Variants in APC2 observed in about 807,000 individuals in gnomAD.
APC2 encodes the protein APC regulator of Wnt signaling pathway 2.
Under a neutral mutation model 72.5 loss-of-function variants are expected in APC2, and 41 were observed. That is an observed-to-expected ratio of 0.57 (90% CI 0.44 to 0.73). The LOEUF is 0.73. APC2 is among the 30% of genes least tolerant of loss of function. The pLI is 0.00. For missense variants in APC2, 3,729 were observed against 3,403.4 expected (o/e 1.10, Z -2.38); for synonymous variants, 1,898 against 1,612.0 (o/e 1.18, Z -4.25).
In APC2 at chr19:1,466,230, G is replaced by A. The variant is rs781574321; in HGVS notation, c.2929G>A (p.Glu977Lys). The A allele has an allele frequency of 2.9e-5, 44 of 1,540,434 alleles. 1 individual carries two copies. In the African/African-American group the frequency reaches 4.8e-4, roughly 17 times the overall value. The change falls in exon 15 of 15, where the codon GAG becomes AAG. Residue 977 changes from glutamate (E) to lysine (K), a missense_variant. By Grantham distance (56) the Glu-to-Lys change is moderately conservative. Transcript: ENST00000590469. Reference protein sequence around the residue: ...LDLDLPGCQAEPPAREATSAD... With the variant: ...LDLDLPGCQAKPPAREATSAD... Reference sequence around the variant, plus strand: ...CCTTGACCTGCCCGGCTGCCAGGCCGAGCCCCCGGCCCGCGAGGCCACCTC... The same window carrying A: ...CCTTGACCTGCCCGGCTGCCAGGCCAAGCCCCCGGCCCGCGAGGCCACCTC...
rs142142534 is a variant in APC2 at position 1,462,115 on chromosome 19, C to G, written c.1791C>G (p.Ile597Met). 9.9e-6 allele frequency: 16 copies of G among 1,612,644 alleles called. No homozygotes were observed. The highest frequency in any genetic ancestry group is 1.4e-5 in the Non-Finnish European group (16 of 1,179,980). The change falls in exon 14 of 15, where the codon ATC (isoleucine) becomes ATG (methionine). Residue 597 changes from isoleucine to methionine, a missense_variant. Coordinates refer to ENST00000590469, the MANE Select transcript of APC2 (RefSeq NM_005883.3). ...GTCAGAGCAACTCGCTGGCCATCAT[C>G]GAGAGCGGCGGCGGCATCCTCCGCA... ...YKCQSNSLAI[I>M]ESGGGILRNV...
intron 14 of APC2, among the ~76,000 whole-genome samples, chr19:1,462,950 G>A (rs549719417): frequency 2.8e-4 from 41 of 146,898 alleles, no homozygotes; most frequent in Middle Eastern, 3.6e-3. Context: ...CAGATTGGGC[G>A]ACAGAGCAAG....
intron 9 of APC2, 146 bp from the exon 10 acceptor site, chr19:1,457,819 G>A (rs1026311673): frequency 1.2e-5 from 8 of 694,242 alleles, no homozygotes; most frequent in African/African-American, 1.1e-4. Context: ...TCTTAGAGAG[G>A]CTGGGAAAGG....
At position 1,457,097 on chromosome 19, in the gene APC2, T is replaced by TCG; in HGVS notation, c.1062_1063dup (p.Val355AlafsTer66). 1 of 1,578,456 alleles carries TCG rather than the reference T, an allele frequency of 6.3e-7. No homozygotes were observed. The highest frequency in any genetic ancestry group is 8.6e-7 in the Non-Finnish European group (1 of 1,166,788). Reference sequence around the variant, plus strand: ...CGCGCCAACGCGGCGCTGCACAACATCGTCTTCTCGCAGCCGGACCAGGGC... The same window carrying TCG: ...CGCGCCAACGCGGCGCTGCACAACATCGCGTCTTCTCGCAGCCGGACCAGGGC... On this transcript the variant is annotated frameshift_variant, in exon 9 of 15. Transcript: ENST00000590469. LOFTEE classifies it high-confidence loss of function.
Position 1,456,970 on chromosome 19 carries a change from G to A in APC2, c.934G>A (p.Gly312Ser). Residue 312 changes from glycine (G) to serine (S), a missense_variant, in exon 9 of 15, where the codon GGC becomes AGC. By Grantham distance (56) the Gly-to-Ser change is moderately conservative (BLOSUM62 0). Transcript: ENST00000590469. ...GAGCTGCGTGGCCATGCGCCGCTCGGGCTGTCTGCCTCTGCTGCTGCAAAT... is the reference window on the plus strand; with the variant it reads ...GAGCTGCGTGGCCATGCGCCGCTCGAGCTGTCTGCCTCTGCTGCTGCAAAT... ...PESCVAMRRS[G>S]CLPLLLQILH... 1.3e-6 allele frequency: 2 copies of A among 1,539,418 alleles called. No homozygotes were observed. The highest frequency in any genetic ancestry group is 1.7e-6 in the Non-Finnish European group (2 of 1,149,090).
upstream of APC2, among the ~76,000 whole-genome samples, chr19:1,447,380 G>A (rs537385527): frequency 8.5e-5 from 13 of 152,336 alleles, no homozygotes; most frequent in South Asian, 1.7e-3. Flanking sequence ...GCCAGGCTGC[G>A]GACTTGCGGG....
At position 1,455,470 on chromosome 19, in the gene APC2, C is replaced by A. The variant is rs2083807899; in HGVS notation, c.609C>A (p.Gly203=). Residue 203 remains glycine, a synonymous_variant, in exon 6 of 15, where the codon GGC becomes GGA. Coordinates refer to ENST00000590469, the MANE Select transcript of APC2 (RefSeq NM_005883.3). The part of the protein sequence containing the change: ...HIRSLMEERF[G]TSDEMVQRAQ... ...GCTCGCTGATGGAGGAGCGCTTCGGCACCTCGGACGAGATGGTGCAGCGGG... is the reference window on the plus strand; with the variant it reads ...GCTCGCTGATGGAGGAGCGCTTCGGAACCTCGGACGAGATGGTGCAGCGGG... 1.9e-6 allele frequency: 3 copies of A among 1,603,882 alleles called. No individual in the cohort carries two copies. In the African/African-American group the frequency reaches 4.0e-5, roughly 21 times the overall value.
intron 10 of APC2, among the ~76,000 whole-genome samples, chr19:1,459,550 C>T (rs2083891769): frequency 6.6e-6 from 1 of 152,194 alleles, no homozygotes; most frequent in South Asian, 2.1e-4. Context: ...GAGATATGTC[C>T]CTAACTCACT....
In APC2 at chr19:1,467,786, G is replaced by T. The variant is rs779526895; in HGVS notation, c.4485G>T (p.Ser1495=). The T allele has an allele frequency of 2.1e-6, 3 of 1,442,496 alleles. No individual in the cohort carries two copies. The highest frequency in any genetic ancestry group is 1.5e-5 in the African/African-American group (1 of 67,786). 89.4% of individuals were successfully genotyped at this position (1,442,496 alleles called of 1,614,324 possible). A position where few individuals can be genotyped will look rare whatever the true frequency, so the allele number is the denominator to read the frequency against. Residue 1495 remains serine, a synonymous_variant, in exon 15 of 15, where the codon TCG becomes TCT. Transcript: ENST00000590469. ...GRTRGDGALQ[S]LCLTTPTEEA... ...CCCGCGGGGACGGGGCGCTCCAGTC[G>T]CTGTGCCTCACGACGCCCACTGAGG...
intron 12 of APC2, 74 bp downstream of exon 12, chr19:1,460,931 G>T: frequency 6.3e-7 from 1 of 1,594,360 alleles, no homozygotes; most frequent in African/African-American, 1.3e-5. Context: ...GCGGTGTGGT[G>T]GGCTGGCAGG....
chr19:1,461,667 A>C, intron 13 of APC2: 2 of 410,394 alleles, frequency 4.9e-6, no homozygotes, highest in Non-Finnish European at 8.8e-6. Context: ...CCTGGCTAAC[A>C]CGGTGAAACC....
intron 10 of APC2, 46 bp downstream of exon 10, chr19:1,458,106 C>A: frequency 1.3e-6 from 2 of 1,510,882 alleles, no homozygotes; most frequent in Non-Finnish European, 1.8e-6. Context: ...AGCCCCCGAA[C>A]AGGTGGTGGC....
rs1342239871 is a variant in APC2, at chr19:1,466,523, C to T, written c.3222C>T (p.Ser1074=). The T allele has an allele frequency of 2.5e-6, 4 of 1,592,110 alleles. No individual in the cohort carries two copies. The highest frequency in any genetic ancestry group is 3.4e-6 in the Non-Finnish European group (4 of 1,176,854). The change falls in exon 15 of 15, where the codon TCC becomes TCT. Residue 1074 remains serine, a synonymous_variant. Coordinates refer to ENST00000590469, the MANE Select transcript of APC2 (RefSeq NM_005883.3). The part of the protein sequence containing the change: ...PLSLSRCSSL[S]SLSSAGRPGP... Reference sequence around the variant, plus strand: ...CGCTGTCCCGATGCAGCTCCCTTTCCTCGCTGTCCTCGGCCGGCCGCCCAG... The same window carrying T: ...CGCTGTCCCGATGCAGCTCCCTTTCTTCGCTGTCCTCGGCCGGCCGCCCAG...
Position 1,469,833 on chromosome 19 carries a change from C to G in APC2, c.6532C>G (p.Pro2178Ala). ...PLRGSTPEDAPAGPPPRKTSD... is the reference protein window; with the variant it reads ...PLRGSTPEDAAAGPPPRKTSD... ...GCGGGGCTCCACGCCCGAGGACGCCCCGGCCGGGCCCCCGCCGCGCAAGAC... is the reference window on the plus strand; with the variant it reads ...GCGGGGCTCCACGCCCGAGGACGCCGCGGCCGGGCCCCCGCCGCGCAAGAC... The change falls in exon 15 of 15, where the codon CCG (proline) becomes GCG (alanine). Residue 2178 changes from proline (P) to alanine (A), a missense_variant. By Grantham distance (27) the Pro-to-Ala change is conservative (BLOSUM62 -1). Transcript: ENST00000590469. The G allele has an allele frequency of 6.6e-7, 1 of 1,520,594 alleles. No homozygotes were observed. The highest frequency in any genetic ancestry group is 8.8e-7 in the Non-Finnish European group (1 of 1,141,204). The allele number at this position is 1,520,594 out of a possible 1,614,324, so 94.2% of individuals were successfully genotyped here. A position where few individuals can be genotyped will look rare whatever the true frequency, so the allele number is the denominator to read the frequency against.
intron 10 of APC2, among the ~76,000 whole-genome samples, chr19:1,458,830 C>G (rs1462092164): frequency 5.9e-5 from 9 of 151,956 alleles, no homozygotes; most frequent in Admixed American, 5.9e-4. Flanking sequence ...ATTACAGGTG[C>G]CCGCCCCCAC....
intron 14 of APC2, among the ~76,000 whole-genome samples, chr19:1,462,655 C>CA (rs34103912): frequency 0.056 from 1,378 of 24,750 alleles, 89 homozygotes; most frequent in Middle Eastern, 0.071. Context: ...AACTTCATCT[C>CA]AAAAAAAAAA....
intron 14 of APC2, among the ~76,000 whole-genome samples, chr19:1,464,564 T>C (rs1183985584): frequency 2.0e-5 from 3 of 150,876 alleles, no homozygotes; most frequent in African/African-American, 4.9e-5. Context: ...TCAGAAAAGA[T>C]AGATATAGAC....
intron 8 of APC2, 62 bp from the exon 9 acceptor site, chr19:1,456,791 C>T (rs1258878400): frequency 5.2e-6 from 8 of 1,538,234 alleles, no homozygotes; most frequent in South Asian, 1.2e-5. Context: ...GGGCTCCGAC[C>T]GGGTTTCCAG....
In APC2 at chr19:1,469,336, C is replaced by A; in HGVS notation, c.6035C>A (p.Ser2012Tyr). The A allele has an allele frequency of 7.3e-7, 1 of 1,370,620 alleles. No homozygotes were observed. Among genetic ancestry groups the A allele is most frequent in the Non-Finnish European group, 9.5e-7 (1 of 1,055,272 alleles). 84.9% of individuals were successfully genotyped at this position (1,370,620 alleles called of 1,614,324 possible). Residue 2012 changes from serine (S) to tyrosine (Y), a missense_variant, in exon 15 of 15, where the codon TCC becomes TAC. Physicochemically the swap from Ser to Tyr is moderately radical, Grantham distance 144 (BLOSUM62 -2). Transcript: ENST00000590469. ...PGLRRRRSELSSAESAASAPQ... is the reference protein window; with the variant it reads ...PGLRRRRSELYSAESAASAPQ... Reference sequence around the variant, plus strand: ...TTGCGGCGCCGCCGCTCCGAGCTGTCCTCGGCCGAGTCCGCGGCCTCTGCC... The same window carrying A: ...TTGCGGCGCCGCCGCTCCGAGCTGTACTCGGCCGAGTCCGCGGCCTCTGCC...
Sources: gnomAD v4.1 joint callset for allele counts (sites outside exome capture counted in the v4.1 genomes callset) on GRCh38, gnomAD v4.1.1 for gene constraint, MANE v1.5 for transcripts, NCBI Gene and HGNC (gene_info 2026-07-23, HGNC 2026-07-21) for gene names.